BAG2: variants seen among roughly 807,000 people sequenced by gnomAD.
The protein encoded by BAG2 is BAG cochaperone 2.
Under a neutral mutation model 16.4 loss-of-function variants are expected in BAG2, and 8 were observed. The observed-to-expected ratio is 0.49, with a 90% CI of 0.29 to 0.88. BAG2 has a LOEUF of 0.88. Ranked by LOEUF, BAG2 falls within the 40% of genes least tolerant of loss-of-function variation. BAG2 has a pLI of 0.09. For synonymous variants in BAG2, 82 were observed against 89.2 expected, an observed-to-expected ratio of 0.92 and a Z score of 0.46; for missense variants, 218 against 248.9, an observed-to-expected ratio of 0.88 and a Z score of 0.84.
At chr6:57,173,201 C>G in intron 1 of BAG2, 2 of 993,528 alleles carry the variant, frequency 2.0e-6, no homozygotes, top group Non-Finnish European at 2.4e-6. Context: ...TGGCCCCAAA[C>G]GTTTTAACTT....
At position 57,183,949 on chromosome 6, in the gene BAG2, A is replaced by G. The variant is rs760893482; in HGVS notation, c.395A>G (p.Lys132Arg). The G allele has an allele frequency of 1.2e-5, 20 of 1,613,902 alleles. No homozygotes were observed. Among genetic ancestry groups the G allele is most frequent in the Middle Eastern group, 3.3e-4 (2 of 6,084 alleles). Reference sequence around the variant, plus strand: ...TTTCTGGATGATTTGGGAAATGCCAAGAGTCATTTAATGTCGCTCTACAGT... The same window carrying G: ...TTTCTGGATGATTTGGGAAATGCCAGGAGTCATTTAATGTCGCTCTACAGT... ...NKFLDDLGNA[K>R]SHLMSLYSAC... Residue 132 changes from lysine to arginine, a missense_variant, in exon 3 of 3, where the codon AAG becomes AGG. Coordinates refer to ENST00000370693, the MANE Select transcript of BAG2 (RefSeq NM_004282.4).
At chr6:57,174,950 A>T (rs1225745380) in intron 1 of BAG2, among the ~76,000 whole-genome samples, 1 of 152,252 alleles carries the variant, frequency 6.6e-6, no homozygotes, top group Non-Finnish European at 1.5e-5. Flanking sequence ...TTGTGGAAGA[A>T]ATTTCATACT....
In BAG2 at chr6:57,184,637, A is replaced by AG. The variant is rs1293158046; in HGVS notation, c.*449dup. ...AAAGCACTGTGCTTAGAGGGTAAAA[A>AG]GGAATCACAAAACAAGAATCTTTCC... On this transcript the variant is annotated 3_prime_UTR_variant, in exon 3 of 3. Transcript: ENST00000370693. 1 of 152,890 alleles carries AG rather than the reference A, an allele frequency of 6.5e-6. No individual in the cohort carries two copies. The highest frequency in any genetic ancestry group is 1.5e-5 in the Non-Finnish European group (1 of 68,226). The allele number at this position is 152,890 out of a possible 1,614,324, so 9.5% of individuals were successfully genotyped here.
intron 1 of BAG2, among the ~76,000 whole-genome samples, chr6:57,176,960 C>T (rs1365910633): frequency 6.6e-6 from 1 of 152,172 alleles, no homozygotes; most frequent in Non-Finnish European, 1.5e-5. Context: ...ACACTAAAAA[C>T]ACTAGTCCCT....
chr6:57,182,057 A>ACTG lies in BAG2; in HGVS notation c.143_145dup (p.Ala48dup). The ACTG allele has an allele frequency of 6.2e-7, 1 of 1,614,160 alleles. No homozygotes were observed. Among genetic ancestry groups the ACTG allele is most frequent in the South Asian group, 1.1e-5 (1 of 91,068 alleles). ...GGTTGAAGCTTTGAGAGAAGCAGCA[A>ACTG]CTGCTGTTGAGCAAGAGAAAGAAAT... On this transcript the variant is annotated inframe_insertion, in exon 2 of 3. Transcript: ENST00000370693.
Position 57,184,142 on chromosome 6 carries a change from A to G in BAG2, c.588A>G (p.Gly196=), listed in dbSNP as rs763841655. 1 of 1,571,356 alleles carries G rather than the reference A, an allele frequency of 6.4e-7. No individual in the cohort carries two copies. The highest frequency in any genetic ancestry group is 2.2e-5 in the East Asian group (1 of 44,752). The change falls in exon 3 of 3, where the codon GGA becomes GGG. Residue 196 remains glycine, a synonymous_variant. Transcript: ENST00000370693. ...TCAAGCTATTAGAGCATTCTAAAGGAGCTGGTTCCAAAACTCTGCAACAAA... is the reference window on the plus strand; with the variant it reads ...TCAAGCTATTAGAGCATTCTAAAGGGGCTGGTTCCAAAACTCTGCAACAAA... ...KAIKLLEHSK[G]AGSKTLQQNA... is the part of the protein sequence containing the mutation.
chr6:57,184,486 AG>A lies in BAG2; in HGVS notation c.*300del, dbSNP rs1764565118. 1 of 201,484 alleles carries A rather than the reference AG, an allele frequency of 5.0e-6. No homozygotes were observed. The highest frequency in any genetic ancestry group is 5.6e-5 in the Admixed American group (1 of 17,942). The allele number at this position is 201,484 out of a possible 1,614,324, so 12.5% of individuals were successfully genotyped here. A position where few individuals can be genotyped will look rare whatever the true frequency, so the allele number is the denominator to read the frequency against. The stretch of plus-strand genomic sequence containing the variant: ...TTGTGGGGAAAACAAACGTTCAGCT[AG>A]GGGCAAAAAGCATGACTGCTTTTTC... On this transcript the variant is annotated 3_prime_UTR_variant, in exon 3 of 3. Coordinates refer to ENST00000370693, the MANE Select transcript of BAG2 (RefSeq NM_004282.4).
At chr6:57,172,873 A>G (rs991446360) in intron 1 of BAG2, 63 bp downstream of exon 1, 5 of 1,332,806 alleles carry the variant, frequency 3.8e-6, no homozygotes, top group East Asian at 3.1e-5. Context: ...GCGGGCGGTT[A>G]GCGGACGGAG....
intron 1 of BAG2, among the ~76,000 whole-genome samples, chr6:57,178,022 G>A (rs1764332702): frequency 6.6e-6 from 1 of 152,162 alleles, no homozygotes; most frequent in Admixed American, 6.5e-5. Context: ...GAGTTTTCCA[G>A]GAGCACAGCC....
chr6:57,178,619 A>G (rs1238593127), intron 1 of BAG2, among the ~76,000 whole-genome samples: 1 of 152,080 alleles, frequency 6.6e-6, no homozygotes, highest in Non-Finnish European at 1.5e-5. Context: ...TGCCAAATAA[A>G]CCCTGAGATC....
intron 1 of BAG2, among the ~76,000 whole-genome samples, chr6:57,174,643 A>G (rs1038030627): frequency 6.6e-6 from 1 of 152,184 alleles, no homozygotes; most frequent in Non-Finnish European, 1.5e-5. Context: ...TAAAAAAGTA[A>G]TACTAGCTGA....
chr6:57,177,933 T>C (rs1764329780), intron 1 of BAG2, among the ~76,000 whole-genome samples: 1 of 152,210 alleles, frequency 6.6e-6, no homozygotes, highest in South Asian at 2.1e-4. Flanking sequence ...ATGCATGCGC[T>C]CCGGTTTTGT....
rs1274773590 is a variant in BAG2 at position 57,188,471 on chromosome 6, T to G, written c.*4281T>G. The G allele has an allele frequency of 2.0e-5, 3 of 152,294 alleles. No homozygotes were observed. The highest frequency in any genetic ancestry group is 4.8e-5 in the African/African-American group (2 of 41,566). The allele number at this position is 152,294 out of a possible 1,614,324, so 9.4% of individuals were successfully genotyped here. ...GGTAACACGCTTTTAGCCACACAGCTAACATGAAAAAGAACTAACTAGAAC... is the reference window on the plus strand; with the variant it reads ...GGTAACACGCTTTTAGCCACACAGCGAACATGAAAAAGAACTAACTAGAAC... On this transcript the variant is annotated 3_prime_UTR_variant, in exon 3 of 3. Transcript: ENST00000370693.
rs777799875 is a variant in BAG2 at position 57,183,865 on chromosome 6, C to T, written c.311C>T (p.Pro104Leu). 6 of 1,613,846 alleles carry T rather than the reference C, an allele frequency of 3.7e-6. No homozygotes were observed. The African/African-American group carries it at 5.3e-5, about 14-fold the overall frequency. ...GTGTCAGTAGAAACAATTAGAAACC[C>T]CCAGCAGCAAGAATCCCTAAAGCAT... Reference protein sequence around the residue: ...VEVSVETIRNPQQQESLKHAT... With the variant: ...VEVSVETIRNLQQQESLKHAT... The change falls in exon 3 of 3, where the codon CCC becomes CTC. Residue 104 changes from proline to leucine, a missense_variant. By Grantham distance (98) the Pro-to-Leu change is moderately conservative (BLOSUM62 -3). This residue lies in a region of BAG2 where 113 missense variants were observed against 128.0 expected (regional missense o/e 0.88). Transcript: ENST00000370693.
chr6:57,174,700 T>TGTA (rs1285083239), intron 1 of BAG2, among the ~76,000 whole-genome samples: 3 of 152,188 alleles, frequency 2.0e-5, no homozygotes, highest in Non-Finnish European at 4.4e-5. Flanking sequence ...AAAATGCTAA[T>TGTA]GTAGATCCTA....
rs1764714567 is a variant in BAG2 at position 57,188,764 on chromosome 6, A to C, written c.*4574A>C. 1 of 152,216 alleles carries C rather than the reference A, an allele frequency of 6.6e-6. No homozygotes were observed. The highest frequency in any genetic ancestry group is 2.1e-4 in the South Asian group (1 of 4,834). 9.4% of individuals were successfully genotyped at this position (152,216 alleles called of 1,614,324 possible). A position where few individuals can be genotyped will look rare whatever the true frequency, so the allele number is the denominator to read the frequency against. ...AAATAGATAATGCCAGATCATTTCAATATAATGAAAAGCAAAAATTTACTT... is the reference window on the plus strand; with the variant it reads ...AAATAGATAATGCCAGATCATTTCACTATAATGAAAAGCAAAAATTTACTT... On this transcript the variant is annotated 3_prime_UTR_variant, in exon 3 of 3. Coordinates refer to ENST00000370693, the MANE Select transcript of BAG2 (RefSeq NM_004282.4).
chr6:57,180,184 G>C (rs542218706), intron 1 of BAG2, among the ~76,000 whole-genome samples: 1 of 152,180 alleles, frequency 6.6e-6, no homozygotes, highest in East Asian at 1.9e-4. Context: ...CAATATCCAC[G>C]AAGACTACTA....
chr6:57,173,068 T>C (rs1268647088), intron 1 of BAG2: 16 of 901,206 alleles, frequency 1.8e-5, no homozygotes, highest in Non-Finnish European at 2.3e-5. Flanking sequence ...GGCCACACTT[T>C]GATTAATTTA....
chr6:57,182,550 AG>A (rs1360530984), intron 2 of BAG2, among the ~76,000 whole-genome samples: 106 of 151,542 alleles, frequency 7.0e-4, no homozygotes, highest in Non-Finnish European at 1.5e-3. Flanking sequence ...AAAAAAAAAA[AG>A]ATGAATTGAG....
Sources: allele counts gnomAD v4.1 joint callset (sites outside exome capture counted in the v4.1 genomes callset), GRCh38; gene constraint gnomAD v4.1.1; regional missense constraint gnomAD v4.1.1; transcripts MANE v1.5; gene names NCBI Gene and HGNC (gene_info 2026-07-23, HGNC 2026-07-21).